The following EBF3 variants were observed in gnomAD, a reference collection of about 807,000 sequenced individuals.
EBF3 encodes transcription factor COE3.
A neutral mutation model predicts 77.1 loss-of-function variants in EBF3; 18 were observed. The ratio of observed to expected loss-of-function variants is 0.23; its 90% CI spans 0.16 to 0.35. The LOEUF (loss-of-function observed/expected upper bound fraction) is 0.35. Among genes scored for constraint, EBF3 ranks in the 10% least tolerant of loss-of-function variants. The pLI, the probability that EBF3 is intolerant of heterozygous loss-of-function variation, is 1.00. For synonymous variants in EBF3, 350 were observed against 343.5 expected (o/e 1.02, Z -0.21); for missense variants, 558 against 860.0 (o/e 0.65, Z 4.39).
chr10:129,945,871 C>A (rs1858174526), intron 6 of EBF3, among the ~76,000 whole-genome samples: 1 of 152,092 alleles, frequency 6.6e-6, no homozygotes, highest in African/African-American at 2.4e-5. Context: ...GATAACAAAA[C>A]CTGCTACAAG....
At chr10:129,910,150 G>A (rs748573072) in intron 6 of EBF3, among the ~76,000 whole-genome samples, 18 of 152,228 alleles carry the variant, frequency 1.2e-4, no homozygotes, top group Non-Finnish European at 2.2e-4. Flanking sequence ...CAGGGGCCAT[G>A]TGGGGCAGAC....
intron 10 of EBF3, among the ~76,000 whole-genome samples, chr10:129,850,899 C>T (rs764573465): frequency 2.0e-5 from 3 of 152,178 alleles, no homozygotes; most frequent in Non-Finnish European, 2.9e-5. Context: ...AGTTCCCCGA[C>T]GGGAGGAGAA....
rs575119177 is a variant in EBF3, at chr10:129,928,758, A to G, written c.554+28500T>C. On this transcript the variant is annotated intron_variant, in intron 6 of 16. Transcript: ENST00000440978. ...AGGTCAGAGAAGGCCAGGCCATTGC[A>G]TGTTTTCTGTTCTGAGAGTCAGTTT... Among the ~76,000 whole-genome samples, 76 of 152,286 alleles carry G rather than the reference A, an allele frequency of 5.0e-4. 4 individuals carry two copies. In the South Asian group the frequency reaches 0.015, roughly 31 times the overall value.
chr10:129,958,650 A>G (rs538982148), intron 5 of EBF3, among the ~76,000 whole-genome samples: 7 of 152,196 alleles, frequency 4.6e-5, no homozygotes, highest in Admixed American at 2.6e-4. Flanking sequence ...GGCACCGCGG[A>G]CGGATGCATC....
At chr10:129,876,012 A>T (rs1159324746) in intron 7 of EBF3, among the ~76,000 whole-genome samples, 1 of 152,278 alleles carries the variant, frequency 6.6e-6, no homozygotes, top group Non-Finnish European at 1.5e-5. Flanking sequence ...TTAAAGAAAC[A>T]TGAAAAAGTA....
At chr10:129,855,774 T>G (rs1851212743) in intron 10 of EBF3, among the ~76,000 whole-genome samples, 2 of 152,208 alleles carry the variant, frequency 1.3e-5, no homozygotes, top group Admixed American at 1.3e-4. Flanking sequence ...AAAAGGAACA[T>G]CAAGTGTCCC....
In EBF3 at chr10:129,963,210, G is replaced by A. The variant is rs548993664; in HGVS notation, c.291+157C>T. On this transcript the variant is annotated intron_variant, in intron 2 of 16. Coordinates refer to ENST00000440978, the MANE Select transcript of EBF3 (RefSeq NM_001375380.1). The surrounding 1 kb of genome is among the most constrained non-coding windows in gnomAD (Gnocchi z 7.1). ...TCCGAGGGCGCAGAGAAGTTGCCCA[G>A]CCCTCGGCGGTCCCGGGCGGCCGCA... is the stretch of plus-strand genomic sequence containing the variant. 59 of 1,209,582 alleles carry A rather than the reference G, an allele frequency of 4.9e-5. No individual in the cohort carries two copies. The African/African-American group carries it at 8.5e-4, about 17-fold the overall frequency. 74.9% of individuals were successfully genotyped at this position (1,209,582 alleles called of 1,614,324 possible). A position where few individuals can be genotyped will look rare whatever the true frequency, so the allele number is the denominator to read the frequency against.
Position 129,863,734 on chromosome 10 carries a change from C to T in EBF3, c.1039+3407G>A, listed in dbSNP as rs569017814. 4.0e-4 allele frequency among the ~76,000 whole-genome samples: 61 copies of T among 152,282 alleles called. No individual in the cohort carries two copies. The highest frequency in any genetic ancestry group is 1.4e-3 in the African/African-American group (59 of 41,556). On this transcript the variant is annotated intron_variant, in intron 10 of 16. Transcript: ENST00000440978. This position sits in a 1 kb window ranked among gnomAD's most constrained non-coding sequence, Gnocchi z 4.0. ...ATTCCCGGTGATTACCTCATTGTCCCCATCAATTTTGGGGCAATGCAAATC... is the reference window on the plus strand; with the variant it reads ...ATTCCCGGTGATTACCTCATTGTCCTCATCAATTTTGGGGCAATGCAAATC...
chr10:129,896,199 C>A (rs1229112790), intron 6 of EBF3, among the ~76,000 whole-genome samples: 5 of 152,166 alleles, frequency 3.3e-5, no homozygotes, highest in Non-Finnish European at 7.3e-5. Flanking sequence ...TCTGAGTTCC[C>A]ATTTAGATGA....
In EBF3 at chr10:129,944,595, G is replaced by A. The variant is rs1320809620; in HGVS notation, c.554+12663C>T. Among the ~76,000 whole-genome samples the A allele has an allele frequency of 5.3e-5, 8 of 152,148 alleles. No individual in the cohort carries two copies. The highest frequency in any genetic ancestry group is 1.9e-4 in the East Asian group (1 of 5,190). ...ACTCTTAGGGTAGGCTGAAGGCAGC[G>A]TTTGGGGAGCATTTTCTTAGTGGAA... On this transcript the variant is annotated intron_variant, in intron 6 of 16. Transcript: ENST00000440978. This position sits in a 1 kb window ranked among gnomAD's most constrained non-coding sequence, Gnocchi z 5.1.
intron 7 of EBF3, among the ~76,000 whole-genome samples, chr10:129,875,187 C>CTTCTTTTTTTTTTTTTTTT (rs1852672323): frequency 5.4e-5 from 5 of 92,932 alleles, no homozygotes; most frequent in African/African-American, 1.6e-4. Context: ...ATGGCTTCTT[C>CTTCTTTTTTTTTTTTTTTT]TTTTTTTTTT....
At chr10:129,906,916 G>T (rs191499005) in intron 6 of EBF3, among the ~76,000 whole-genome samples, 59 of 152,240 alleles carry the variant, frequency 3.9e-4, no homozygotes, top group African/African-American at 1.4e-3. Flanking sequence ...CCCACCAGCT[G>T]GGGTTGCCTC....
At chr10:129,918,909 G>A (rs1489535428) in intron 6 of EBF3, among the ~76,000 whole-genome samples, 1 of 152,212 alleles carries the variant, frequency 6.6e-6, no homozygotes, top group Non-Finnish European at 1.5e-5. Flanking sequence ...CAGAGTCCTT[G>A]CCCCCTGCAG....
Position 129,842,419 on chromosome 10 carries a change from T to G in EBF3, c.1195-126A>C, listed in dbSNP as rs1850139203. On this transcript the variant is annotated intron_variant, in intron 12 of 16. Transcript: ENST00000440978. The surrounding 1 kb of genome is among the most constrained non-coding windows in gnomAD (Gnocchi z 4.4). ...CCAGACCATGACCAAATCTATTTCT[T>G]AATGGGCAAAGAGCTTCCCCTAGAA... 1 of 1,109,806 alleles carries G rather than the reference T, an allele frequency of 9.0e-7. No homozygotes were observed. The highest frequency in any genetic ancestry group is 1.2e-6 in the Non-Finnish European group (1 of 802,360). 68.7% of individuals were successfully genotyped at this position (1,109,806 alleles called of 1,614,324 possible).
intron 6 of EBF3, among the ~76,000 whole-genome samples, chr10:129,948,038 C>T (rs528758020): frequency 2.0e-5 from 3 of 152,084 alleles, no homozygotes; most frequent in Non-Finnish European, 2.9e-5. Flanking sequence ...AGGTGGATGA[C>T]CTGAGGTCAG....
intron 16 of EBF3, 121 bp downstream of exon 16, chr10:129,838,962 A>G: frequency 1.0e-6 from 1 of 986,206 alleles, no homozygotes; most frequent in Non-Finnish European, 1.4e-6. Flanking sequence ...CTGCCTCTGC[A>G]ACGACCCTGG....
At chr10:129,858,997 T>A (rs915744906) in intron 10 of EBF3, among the ~76,000 whole-genome samples, 1 of 152,188 alleles carries the variant, frequency 6.6e-6, no homozygotes, top group Admixed American at 6.5e-5. Flanking sequence ...TATTTAAAAT[T>A]TCGCACGCTC....
At chr10:129,937,315 G>C (rs977682060) in intron 6 of EBF3, among the ~76,000 whole-genome samples, 6 of 152,282 alleles carry the variant, frequency 3.9e-5, no homozygotes, top group South Asian at 2.1e-4. Context: ...CTAAAGGACA[G>C]AGGCTCAGGA....
rs368824314 is a variant in EBF3 at position 129,925,042 on chromosome 10, C to G, written c.554+32216G>C. Among the ~76,000 whole-genome samples, 13 of 152,034 alleles carry G rather than the reference C, an allele frequency of 8.6e-5. No homozygotes were observed. The East Asian group carries it at 2.3e-3, about 27-fold the overall frequency. On this transcript the variant is annotated intron_variant, in intron 6 of 16. Coordinates refer to ENST00000440978, the MANE Select transcript of EBF3 (RefSeq NM_001375380.1). ...ATGTGGAAGCCACCCAAGTATCCAT[C>G]AATGGGTGAATGGATAAGCAAAATG... is the stretch of plus-strand genomic sequence containing the variant.
Sources: allele counts gnomAD v4.1 joint callset (sites outside exome capture counted in the v4.1 genomes callset), GRCh38; gene constraint gnomAD v4.1.1; non-coding constraint Gnocchi (gnomAD v3.1); transcripts MANE v1.5; gene names NCBI Gene and HGNC (gene_info 2026-07-23, HGNC 2026-07-21).